SLC12A8: variants seen among roughly 807,000 people sequenced by gnomAD.
The protein encoded by SLC12A8 is cation-chloride cotransporter 9.
A neutral mutation model predicts 75.6 loss-of-function variants in SLC12A8; 69 were observed. The observed-to-expected ratio is 0.91, with a 90% CI of 0.75 to 1.11. SLC12A8 has a LOEUF of 1.11. SLC12A8 is among the 50% of genes most tolerant of loss of function. SLC12A8 has a pLI of 0.00. For missense variants in SLC12A8, 877 were observed against 896.7 expected (o/e 0.98, Z 0.28); for synonymous variants, 365 against 372.8 (o/e 0.98, Z 0.24).
At chr3:125,166,814 T>C (rs1934300765) in intron 5 of SLC12A8, among the ~76,000 whole-genome samples, 1 of 152,222 alleles carries the variant, frequency 6.6e-6, no homozygotes, top group Admixed American at 6.5e-5. Flanking sequence ...TCAAATTATT[T>C]ATCAAGTGAA....
intron 2 of SLC12A8, among the ~76,000 whole-genome samples, chr3:125,203,624 C>T (rs1459004486): frequency 6.6e-6 from 1 of 152,188 alleles, no homozygotes; most frequent in African/African-American, 2.4e-5. Context: ...AACACCCAAA[C>T]TATAAACCTG....
chr3:125,208,605 G>T (rs551303053), intron 2 of SLC12A8, among the ~76,000 whole-genome samples: 4 of 152,090 alleles, frequency 2.6e-5, no homozygotes, highest in Admixed American at 2.0e-4. Context: ...CGGAGGCTTA[G>T]TGAGGTTACG....
intron 2 of SLC12A8, among the ~76,000 whole-genome samples, chr3:125,207,171 C>T (rs999760367): frequency 1.2e-4 from 19 of 152,264 alleles, no homozygotes; most frequent in Middle Eastern, 3.4e-3. Context: ...ATGGTTCTGA[C>T]GGGGAGCCTG....
At chr3:125,172,424 G>A (rs566619874) in intron 5 of SLC12A8, among the ~76,000 whole-genome samples, 23 of 152,126 alleles carry the variant, frequency 1.5e-4, no homozygotes, top group African/African-American at 5.3e-4. Context: ...TCTCAGGAAA[G>A]AACCACATGG....
At chr3:125,139,670 G>C (rs957865206) in intron 5 of SLC12A8, among the ~76,000 whole-genome samples, 1 of 152,156 alleles carries the variant, frequency 6.6e-6, no homozygotes, top group African/African-American at 2.4e-5. Flanking sequence ...GTGCCCAGGG[G>C]AGGCACTCAT....
intron 2 of SLC12A8, among the ~76,000 whole-genome samples, chr3:125,207,198 C>G (rs926521440): frequency 6.6e-6 from 1 of 152,106 alleles, no homozygotes; most frequent in South Asian, 2.1e-4. Flanking sequence ...CGGCCTGCAG[C>G]GGGTTTTTTC....
rs541653522 is a variant in SLC12A8 at position 125,115,161 on chromosome 3, C to T, written c.912+3608G>A. Among the ~76,000 whole-genome samples the T allele has an allele frequency of 3.2e-4, 48 of 152,278 alleles. No individual in the cohort carries two copies. In the South Asian group the frequency reaches 9.1e-3, roughly 29 times the overall value. The stretch of plus-strand genomic sequence containing the variant: ...GTTATCTCAGAGCCACCACTGTATA[C>T]AAGATGTTTAAGAACACACATACAC... On this transcript the variant is annotated intron_variant, in intron 8 of 13. Coordinates refer to ENST00000469902, the MANE Select transcript of SLC12A8 (RefSeq NM_024628.6).
At chr3:125,091,713 C>T (rs1938586517) in intron 11 of SLC12A8, among the ~76,000 whole-genome samples, 157 bp from the exon 12 acceptor site, 1 of 152,092 alleles carries the variant, frequency 6.6e-6, no homozygotes, top group South Asian at 2.1e-4. Flanking sequence ...TTCAAAAAAC[C>T]TCACTTAAGC....
chr3:125,119,454 T>C (rs1404145523), intron 7 of SLC12A8, among the ~76,000 whole-genome samples: 1 of 152,224 alleles, frequency 6.6e-6, no homozygotes, highest in Non-Finnish European at 1.5e-5. Context: ...GAGGCCTGGC[T>C]CTGTCCCCAA....
intron 6 of SLC12A8, among the ~76,000 whole-genome samples, chr3:125,131,328 C>G (rs1047553716): frequency 2.0e-5 from 3 of 152,172 alleles, no homozygotes; most frequent in Non-Finnish European, 2.9e-5. Context: ...AGGAGAAAAA[C>G]TATCACACAG....
At chr3:125,105,161 G>T (rs1408127468) in intron 10 of SLC12A8, among the ~76,000 whole-genome samples, 1 of 146,170 alleles carries the variant, frequency 6.8e-6, no homozygotes, top group Non-Finnish European at 1.5e-5. Context: ...ATAGGAAAGA[G>T]AAAAGAAAGA....
intron 5 of SLC12A8, among the ~76,000 whole-genome samples, chr3:125,162,045 A>C (rs943380305): frequency 3.9e-5 from 6 of 152,184 alleles, no homozygotes; most frequent in African/African-American, 7.2e-5. Context: ...CATTCTGTGT[A>C]GACGGAATAC....
intron 8 of SLC12A8, among the ~76,000 whole-genome samples, chr3:125,113,331 A>G (rs944249250): frequency 6.6e-6 from 1 of 152,248 alleles, no homozygotes; most frequent in Admixed American, 6.5e-5. Context: ...TTAAAAAAAT[A>G]TAAAACTATT....
intron 10 of SLC12A8, among the ~76,000 whole-genome samples, chr3:125,102,963 G>C (rs559415735): frequency 6.6e-6 from 1 of 152,248 alleles, no homozygotes; most frequent in South Asian, 2.1e-4. Context: ...ATCCCATGCA[G>C]TGGTAAGGTA....
intron 2 of SLC12A8, among the ~76,000 whole-genome samples, chr3:125,191,769 C>T (rs1225581357): frequency 3.9e-5 from 6 of 152,178 alleles, no homozygotes; most frequent in Admixed American, 3.9e-4. Context: ...CAGACATCCA[C>T]AGATCAAGAA....
chr3:125,094,282 C>G (rs956994834), intron 10 of SLC12A8, among the ~76,000 whole-genome samples: 1 of 152,116 alleles, frequency 6.6e-6, no homozygotes, highest in Non-Finnish European at 1.5e-5. Flanking sequence ...CATCACCTAC[C>G]TCCCGCTTTC....
intron 12 of SLC12A8, among the ~76,000 whole-genome samples, chr3:125,090,580 T>G (rs538511466): frequency 6.6e-6 from 1 of 152,332 alleles, no homozygotes; most frequent in South Asian, 2.1e-4. Flanking sequence ...GGTTTTGGTT[T>G]GTGTATTTCA....
intron 6 of SLC12A8, 42 bp from the exon 7 acceptor site, chr3:125,120,728 C>A (rs370381069): frequency 1.8e-5 from 26 of 1,455,562 alleles, no homozygotes; most frequent in African/African-American, 5.6e-5. Context: ...GCAGCCTCCT[C>A]CACGCATCGC....
chr3:125,177,278 G>T (rs1170040622), intron 5 of SLC12A8, among the ~76,000 whole-genome samples: 1 of 143,918 alleles, frequency 6.9e-6, no homozygotes, highest in African/African-American at 2.6e-5. Context: ...TGAACAATGA[G>T]AACAAATGGA....
Sources: gnomAD v4.1 joint callset for allele counts (sites outside exome capture counted in the v4.1 genomes callset) on GRCh38, gnomAD v4.1.1 for gene constraint, MANE v1.5 for transcripts, NCBI Gene and HGNC (gene_info 2026-07-23, HGNC 2026-07-21) for gene names.